METTL2A: variants seen among roughly 807,000 people sequenced by gnomAD.
METTL2A encodes tRNA N(3)-cytidine methyltransferase METTL2A.
A neutral mutation model predicts 49.4 loss-of-function variants in METTL2A; 45 were observed. The ratio of observed to expected loss-of-function variants is 0.91; its 90% CI spans 0.72 to 1.17. The LOEUF is 1.17. Among genes scored for constraint, METTL2A ranks in the 50% most tolerant of loss-of-function variants. The pLI, the probability that METTL2A is intolerant of heterozygous loss-of-function variation, is 0.00. For missense variants in METTL2A, 361 were observed against 462.2 expected (o/e 0.78, Z 2.01); for synonymous variants, 118 against 167.5 (o/e 0.70, Z 2.28).
intron 5 of METTL2A, 44 bp from the exon 6 acceptor site, chr17:62,440,573 T>C (rs751657707): frequency 7.0e-6 from 11 of 1,581,816 alleles, no homozygotes; most frequent in East Asian, 2.3e-5. Context: ...CTTTAGGCTA[T>C]GTTAATATTT....
Position 62,440,841 on chromosome 17 carries a change from G to C in METTL2A, c.809+85G>C. 5 of 1,524,838 alleles carry C rather than the reference G, an allele frequency of 3.3e-6. No individual in the cohort carries two copies. The South Asian group carries it at 6.4e-5, about 20-fold the overall frequency. 94.5% of individuals were successfully genotyped at this position (1,524,838 alleles called of 1,614,324 possible). A position where few individuals can be genotyped will look rare whatever the true frequency, so the allele number is the denominator to read the frequency against. ...TTTTTTTAAAATAGGTTCTTGCTCT[G>C]TCAGCCCAGGCTGGAGTGCAGTGGC... On this transcript the variant is annotated intron_variant, in intron 6 of 8. Coordinates refer to ENST00000311506, the MANE Select transcript of METTL2A (RefSeq NM_181725.4).
rs564922632 is a variant in METTL2A, at chr17:62,451,951, T to G, written c.*3222T>G. Among the ~76,000 whole-genome samples the G allele has an allele frequency of 6.7e-5, 10 of 150,142 alleles. No individual in the cohort carries two copies. Among genetic ancestry groups the G allele is most frequent in the Non-Finnish European group, 1.0e-4 (7 of 67,856 alleles). On this transcript the variant is annotated 3_prime_UTR_variant, in exon 9 of 9. Coordinates refer to ENST00000311506, the MANE Select transcript of METTL2A (RefSeq NM_181725.4). ...GGTGGGCGCCTGTAATCCCAGCTAT[T>G]TGGGAGGGTGGCTCTAGAGAATCAT...
Position 62,444,937 on chromosome 17 carries a change from A to T in METTL2A, c.910A>T (p.Lys304Ter). The T allele has an allele frequency of 4.3e-6, 7 of 1,613,290 alleles. No individual in the cohort carries two copies. The highest frequency in any genetic ancestry group is 5.9e-6 in the Non-Finnish European group (7 of 1,179,490). ...GRYDMAQLRF[K>*]KGQCLSGNFY... is the part of the protein sequence containing the mutation. ...CTATGACATGGCTCAGCTTCGGTTT[A>T]AAAAAGGTATTTTGAAAGTGCTGAA... Residue 304 changes from lysine (K) to a stop codon, truncating the protein, a stop_gained, in exon 7 of 9, where the codon AAA becomes TAA. Coordinates refer to ENST00000311506, the MANE Select transcript of METTL2A (RefSeq NM_181725.4). LOFTEE classifies it high-confidence loss of function.
rs1396756918 is a variant in METTL2A at position 62,450,247 on chromosome 17, C to CATTTTTTTTTTTTTTTTTTTTT, written c.*1518_*1519insATTTTTTTTTTTTTTTTTTTTT. 3.7e-5 allele frequency: 3 copies of CATTTTTTTTTTTTTTTTTTTTT among 80,540 alleles called. No individual in the cohort carries two copies. Among genetic ancestry groups the CATTTTTTTTTTTTTTTTTTTTT allele is most frequent in the Non-Finnish European group, 4.2e-5 (2 of 47,276 alleles). The allele number at this position is 80,540 out of a possible 1,614,324, so 5.0% of individuals were successfully genotyped here. A position where few individuals can be genotyped will look rare whatever the true frequency, so the allele number is the denominator to read the frequency against. On this transcript the variant is annotated 3_prime_UTR_variant, in exon 9 of 9. Transcript: ENST00000311506. ...TGTGATCATTATCAGTGTTAGATGC[C>CATTTTTTTTTTTTTTTTTTTTT]TTTTTTTTTTTTTTTTTTTTTTTTT...
chr17:62,435,188 C>T (rs780309623), intron 4 of METTL2A, 44 bp from the exon 5 acceptor site: 19 of 1,613,726 alleles, frequency 1.2e-5, no homozygotes, highest in African/African-American at 4.0e-5. Context: ...GTAGACATAG[C>T]TCGATTTGTA....
At chr17:62,439,520 G>A (rs2070723930) in intron 5 of METTL2A, among the ~76,000 whole-genome samples, 1 of 151,968 alleles carries the variant, frequency 6.6e-6, no homozygotes, top group Non-Finnish European at 1.5e-5. Context: ...TGAAAGCTCC[G>A]CCTCCCGGGT....
At chr17:62,426,195 C>T (rs1218477929) in intron 2 of METTL2A, 104 bp from the exon 3 acceptor site, 5 of 1,168,052 alleles carry the variant, frequency 4.3e-6, no homozygotes, top group Non-Finnish European at 4.8e-6. Context: ...CCTGAGGATA[C>T]TTTTAGTATT....
At chr17:62,442,504 C>T (rs1261673700) in intron 6 of METTL2A, among the ~76,000 whole-genome samples, 1 of 152,152 alleles carries the variant, frequency 6.6e-6, no homozygotes, top group Non-Finnish European at 1.5e-5. Flanking sequence ...GTCTTGAACT[C>T]CTTACCTCAA....
chr17:62,445,328 A>G (rs1317095933), intron 7 of METTL2A, among the ~76,000 whole-genome samples: 1 of 152,108 alleles, frequency 6.6e-6, no homozygotes, highest in Admixed American at 6.6e-5. Flanking sequence ...CACTATAATC[A>G]AAAAATGGTG....
intron 2 of METTL2A, 147 bp from the exon 3 acceptor site, chr17:62,426,152 A>G (rs2070624768): frequency 4.2e-6 from 3 of 708,254 alleles, no homozygotes; most frequent in Non-Finnish European, 7.1e-6. Flanking sequence ...AAATGACCTC[A>G]GAAATGCCTT....
chr17:62,435,194 T>A (rs2144144026), intron 4 of METTL2A, 38 bp from the exon 5 acceptor site: 1 of 1,613,932 alleles, frequency 6.2e-7, no homozygotes, highest in South Asian at 1.1e-5. Flanking sequence ...ATAGCTCGAT[T>A]TGTAGTCTCA....
chr17:62,445,317 C>T (rs1401468393), intron 7 of METTL2A, among the ~76,000 whole-genome samples: 1 of 151,654 alleles, frequency 6.6e-6, no homozygotes, highest in African/African-American at 2.4e-5. Context: ...AGGTATTTGG[C>T]CACTATAATC....
rs2070813285 is a variant in METTL2A at position 62,452,946 on chromosome 17, AAG to A, written c.*4222_*4223del. On this transcript the variant is annotated 3_prime_UTR_variant, in exon 9 of 9. Transcript: ENST00000311506. ...GGTGGGAGCAAAGAATGAAGGGAGGAAGAGAGCTCCCATCTTTTCCATTACTG... is the reference window on the plus strand; with the variant it reads ...GGTGGGAGCAAAGAATGAAGGGAGGAAGAGCTCCCATCTTTTCCATTACTG... Among the ~76,000 whole-genome samples the A allele has an allele frequency of 6.6e-6, 1 of 152,188 alleles. No individual in the cohort carries two copies. The highest frequency in any genetic ancestry group is 2.4e-5 in the African/African-American group (1 of 41,454).
intron 2 of METTL2A, among the ~76,000 whole-genome samples, chr17:62,424,883 T>G (rs1039098821): frequency 1.3e-5 from 2 of 151,690 alleles, no homozygotes; most frequent in Non-Finnish European, 2.9e-5. Flanking sequence ...AAAATATCCC[T>G]AGATAGTAAA....
intron 8 of METTL2A, among the ~76,000 whole-genome samples, chr17:62,448,291 A>C (rs1027083292): frequency 9.2e-5 from 14 of 152,302 alleles, no homozygotes; most frequent in Admixed American, 9.2e-4. Context: ...TTGCTTTGAC[A>C]TACATAGATA....
chr17:62,438,369 T>C (rs894965440), intron 5 of METTL2A, among the ~76,000 whole-genome samples: 1 of 148,482 alleles, frequency 6.7e-6, no homozygotes, highest in African/African-American at 2.5e-5. Flanking sequence ...ATCACGCCAT[T>C]GCACTCCAGC....
rs868511592 is a variant in METTL2A at position 62,452,149 on chromosome 17, G to T, written c.*3420G>T. ...CTCCTTCAGTCTACGGGTTAGGCTTGCTTTTGCACCTTTGCATTTTAAGGT... is the reference window on the plus strand; with the variant it reads ...CTCCTTCAGTCTACGGGTTAGGCTTTCTTTTGCACCTTTGCATTTTAAGGT... On this transcript the variant is annotated 3_prime_UTR_variant, in exon 9 of 9. Coordinates refer to ENST00000311506, the MANE Select transcript of METTL2A (RefSeq NM_181725.4). Among the ~76,000 whole-genome samples, 7 of 152,352 alleles carry T rather than the reference G, an allele frequency of 4.6e-5. No individual in the cohort carries two copies. The Middle Eastern group carries it at 0.02, about 444-fold the overall frequency.
intron 7 of METTL2A, among the ~76,000 whole-genome samples, chr17:62,446,887 C>T (rs540528497): frequency 1.3e-5 from 2 of 152,280 alleles, no homozygotes; most frequent in East Asian, 3.9e-4. Flanking sequence ...AATAAGTACA[C>T]ACTTGTGTGA....
chr17:62,437,702 A>G (rs530685502), intron 5 of METTL2A, among the ~76,000 whole-genome samples: 1 of 152,232 alleles, frequency 6.6e-6, no homozygotes, highest in South Asian at 2.1e-4. Context: ...GGCTGGGGTC[A>G]GTGGCTCACA....
Sources: gnomAD v4.1 joint callset for allele counts (sites outside exome capture counted in the v4.1 genomes callset) on GRCh38, gnomAD v4.1.1 for gene constraint, MANE v1.5 for transcripts, NCBI Gene and HGNC (gene_info 2026-07-23, HGNC 2026-07-21) for gene names.